The following DLC1 variants were observed in gnomAD, a reference collection of about 807,000 sequenced individuals.
DLC1 encodes the protein DLC1 Rho GTPase activating protein.
A neutral mutation model predicts 140.3 loss-of-function variants in DLC1; 54 were observed. The ratio of observed to expected loss-of-function variants is 0.38; its 90% CI spans 0.31 to 0.48. The LOEUF is 0.48. Among genes scored for constraint, DLC1 ranks in the 20% least tolerant of loss-of-function variants. The pLI is 0.96. For synonymous variants in DLC1, 986 were observed against 728.1 expected (o/e 1.35, Z -5.70); for missense variants, 2,536 against 1,907.0 (o/e 1.33, Z -6.14).
chr8:13,149,153 C>A (rs1823637007), intron 5 of DLC1, among the ~76,000 whole-genome samples: 1 of 152,128 alleles, frequency 6.6e-6, no homozygotes, highest in Non-Finnish European at 1.5e-5. Context: ...ATACAGAAGG[C>A]ACAATCTCAA....
intron 5 of DLC1, among the ~76,000 whole-genome samples, chr8:13,199,090 T>C (rs146738513): frequency 1.3e-4 from 20 of 152,118 alleles, no homozygotes; most frequent in African/African-American, 4.3e-4. Flanking sequence ...AAAGAGACTT[T>C]GCGTATAATC....
chr8:13,092,620 G>A lies in DLC1; in HGVS notation c.3732C>T (p.Ser1244=). 1 of 1,614,102 alleles carries A rather than the reference G, an allele frequency of 6.2e-7. No individual in the cohort carries two copies. The highest frequency in any genetic ancestry group is 8.5e-7 in the Non-Finnish European group (1 of 1,180,020). ...TCCCATGCAGCCCGTACCTGGGAGA[G>A]GAATTCTCTCTCTTCAGGGTGTTGA... ...FHLNTLKREN[S]SPRVMQRKQS... is the part of the protein sequence containing the mutation. The change falls in exon 13 of 18, where the codon TCC becomes TCT. Residue 1244 remains serine, a synonymous_variant. Coordinates refer to ENST00000276297, the MANE Select transcript of DLC1 (RefSeq NM_182643.3).
intron 1 of DLC1, chr8:13,583,878 C>T (rs1805207634): frequency 6.6e-6 from 1 of 152,244 alleles, no homozygotes; most frequent in Non-Finnish European, 1.5e-5. Context: ...GGAGCTTGTC[C>T]TGGCAAAACT....
chr8:13,275,276 A>T (rs1000106502), intron 5 of DLC1, among the ~76,000 whole-genome samples: 2 of 152,240 alleles, frequency 1.3e-5, no homozygotes, highest in African/African-American at 4.8e-5. Context: ...TCTTCAAGTC[A>T]TATCAGGACA....
chr8:13,461,090 G>C lies in DLC1; in HGVS notation c.1023+37959C>G, dbSNP rs115966016. 8.3e-3 allele frequency among the ~76,000 whole-genome samples: 1,265 copies of C among 152,264 alleles called. 14 individuals carry two copies. The highest frequency in any genetic ancestry group is 0.029 in the African/African-American group (1,194 of 41,542). Reference sequence around the variant, plus strand: ...CTGGGCATGGTGGTGCACATCTGTGGTCCCAGTTACTCTAGAGGCTGAGGC... The same window carrying C: ...CTGGGCATGGTGGTGCACATCTGTGCTCCCAGTTACTCTAGAGGCTGAGGC... On this transcript the variant is annotated intron_variant, in intron 2 of 17. Coordinates refer to ENST00000276297, the MANE Select transcript of DLC1 (RefSeq NM_182643.3).
chr8:13,210,181 T>C (rs1227190761), intron 5 of DLC1, among the ~76,000 whole-genome samples: 2 of 152,176 alleles, frequency 1.3e-5, no homozygotes, highest in African/African-American at 4.8e-5. Flanking sequence ...TTCTTGCTTT[T>C]ATTTTATTTT....
At chr8:13,445,490 C>G (rs1432183625) in intron 2 of DLC1, among the ~76,000 whole-genome samples, 1 of 152,144 alleles carries the variant, frequency 6.6e-6, no homozygotes, top group Non-Finnish European at 1.5e-5. Context: ...ACATTCTACC[C>G]TCAACTCAAA....
chr8:13,323,969 G>A (rs1833230020), intron 4 of DLC1, among the ~76,000 whole-genome samples: 1 of 152,196 alleles, frequency 6.6e-6, no homozygotes, highest in African/African-American at 2.4e-5. Flanking sequence ...GACAGTTAAT[G>A]TGTCCCCATG....
At position 13,099,423 on chromosome 8, in the gene DLC1, T is replaced by C; in HGVS notation, c.2914A>G (p.Asn972Asp). 6.2e-7 allele frequency: 1 copy of C among 1,614,050 alleles called. No homozygotes were observed. Among genetic ancestry groups the C allele is most frequent in the Non-Finnish European group, 8.5e-7 (1 of 1,180,000 alleles). The change falls in exon 9 of 18, where the codon AAT (asparagine) becomes GAT (aspartate). Residue 972 changes from asparagine to aspartate, a missense_variant. Coordinates refer to ENST00000276297, the MANE Select transcript of DLC1 (RefSeq NM_182643.3). The part of the protein sequence containing the change: ...SDLDSTGNSL[N>D]EPEEPSEIPE... ...ATCTCGGAGGGCTCTTCCGGTTCAT[T>C]CAGGGAGTTGCCTGTGCTGTCCAGG...
chr8:13,491,809 T>G (rs1054654922), intron 2 of DLC1, among the ~76,000 whole-genome samples: 1 of 152,214 alleles, frequency 6.6e-6, no homozygotes, highest in Non-Finnish European at 1.5e-5. Flanking sequence ...TTGTATGACT[T>G]AAGTTCTTCT....
intron 5 of DLC1, among the ~76,000 whole-genome samples, chr8:13,154,802 A>G (rs193072228): frequency 1.5e-4 from 23 of 151,398 alleles, no homozygotes; most frequent in African/African-American, 5.1e-4. Flanking sequence ...GATTATATAG[A>G]TGATCAAGGA....
Position 13,495,062 on chromosome 8 carries a change from C to T in DLC1, c.1023+3987G>A, listed in dbSNP as rs186291654. ...GTTGGAATGTAGAATTAGGTGTCTTCTTAAAGTTCAGATTATCTTTGCATC... is the reference window on the plus strand; with the variant it reads ...GTTGGAATGTAGAATTAGGTGTCTTTTTAAAGTTCAGATTATCTTTGCATC... On this transcript the variant is annotated intron_variant, in intron 2 of 17. Transcript: ENST00000276297. Among the ~76,000 whole-genome samples, 444 of 152,250 alleles carry T rather than the reference C, an allele frequency of 2.9e-3. 1 individual carries two copies. The highest frequency in any genetic ancestry group is 4.5e-3 in the Non-Finnish European group (307 of 68,010).
chr8:13,520,764 G>C (rs1802740231), intron 1 of DLC1, among the ~76,000 whole-genome samples: 1 of 152,118 alleles, frequency 6.6e-6, no homozygotes, highest in Non-Finnish European at 1.5e-5. Context: ...TCCCAGCCAT[G>C]CAAGATTTTG....
At chr8:13,243,855 G>T (rs555034421) in intron 5 of DLC1, among the ~76,000 whole-genome samples, 3 of 152,282 alleles carry the variant, frequency 2.0e-5, no homozygotes, top group African/African-American at 7.2e-5. Context: ...ATTTGTTGAT[G>T]ACTCCGTAAT....
chr8:13,301,200 A>C (rs560851947), intron 5 of DLC1, among the ~76,000 whole-genome samples: 1 of 151,480 alleles, frequency 6.6e-6, no homozygotes, highest in African/African-American at 2.4e-5. Flanking sequence ...CCTGTTTCCA[A>C]GAGAGAATTT....
At chr8:13,175,068 T>C (rs1039911527) in intron 5 of DLC1, among the ~76,000 whole-genome samples, 2 of 152,232 alleles carry the variant, frequency 1.3e-5, no homozygotes, top group African/African-American at 2.4e-5. Flanking sequence ...GGGTCCATTC[T>C]TCTGCATACG....
At chr8:13,187,208 AATT>A (rs1332849810) in intron 5 of DLC1, among the ~76,000 whole-genome samples, 2 of 152,080 alleles carry the variant, frequency 1.3e-5, no homozygotes, top group East Asian at 3.9e-4. Context: ...CAGAATGTAT[AATT>A]TATTTTTTCT....
chr8:13,377,033 A>T (rs1836026592), intron 4 of DLC1, among the ~76,000 whole-genome samples: 1 of 152,338 alleles, frequency 6.6e-6, no homozygotes, highest in Non-Finnish European at 1.5e-5. Context: ...ACACTTTTGC[A>T]CTGTGATTTA....
At chr8:13,489,073 G>A (rs28483955) in intron 2 of DLC1, among the ~76,000 whole-genome samples, 173 of 152,014 alleles carry the variant, frequency 1.1e-3, no homozygotes, top group East Asian at 5.2e-3. Flanking sequence ...TCAGTCTCCC[G>A]AGCAGCTGGG....
Sources: allele counts gnomAD v4.1 joint callset (sites outside exome capture counted in the v4.1 genomes callset), GRCh38; gene constraint gnomAD v4.1.1; transcripts MANE v1.5; gene names NCBI Gene and HGNC (gene_info 2026-07-23, HGNC 2026-07-21).